Variants in MTPN observed in about 807,000 individuals in gnomAD.
MTPN encodes the protein myotrophin, also known as granule cell differentiation protein.
A neutral mutation model predicts 13.5 loss-of-function variants in MTPN; 2 were observed. That is an observed-to-expected ratio of 0.15 (90% CI 0.06 to 0.47). The LOEUF (loss-of-function observed/expected upper bound fraction) is 0.47. MTPN is among the 20% of genes least tolerant of loss of function. The pLI, the probability that MTPN is intolerant of heterozygous loss-of-function variation, is 0.97. For synonymous variants in MTPN, 46 were observed against 51.7 expected (o/e 0.89, Z 0.48); for missense variants, 79 against 137.9 (o/e 0.57, Z 2.14).
chr7:135,973,243 A>T (rs959092658), intron 1 of MTPN, among the ~76,000 whole-genome samples: 3 of 146,492 alleles, frequency 2.0e-5, no homozygotes, highest in South Asian at 2.2e-4. Context: ...TGGACTATAT[A>T]TTCTTTCTTG....
intron 3 of MTPN, among the ~76,000 whole-genome samples, chr7:135,942,005 T>C (rs376665492): frequency 1.5e-3 from 234 of 151,488 alleles, no homozygotes; most frequent in African/African-American, 5.3e-3. Context: ...TGCCTCAGCC[T>C]CCTGAGTAGC....
intron 1 of MTPN, among the ~76,000 whole-genome samples, chr7:135,955,044 G>C (rs989929958): frequency 7.2e-5 from 11 of 152,110 alleles, no homozygotes; most frequent in African/African-American, 2.4e-4. Context: ...TATTCCTTCA[G>C]ACATTTACAT....
intron 3 of MTPN, among the ~76,000 whole-genome samples, chr7:135,949,368 T>A (rs1175660101): frequency 2.6e-5 from 4 of 152,210 alleles, no homozygotes; most frequent in African/African-American, 4.8e-5. Context: ...AGACAGTGAC[T>A]GGAAATCTTT....
chr7:135,972,767 T>G (rs1799715299), intron 1 of MTPN, among the ~76,000 whole-genome samples: 1 of 152,100 alleles, frequency 6.6e-6, no homozygotes, highest in African/African-American at 2.4e-5. Flanking sequence ...CCTTAAAATA[T>G]TAATACTTTT....
At chr7:135,932,673 C>T (rs1410437402) in intron 3 of MTPN, 2 of 151,214 alleles carry the variant, frequency 1.3e-5, no homozygotes, top group Admixed American at 1.3e-4. Flanking sequence ...CAAAAGAAGC[C>T]TTAAGATAAA....
intron 1 of MTPN, among the ~76,000 whole-genome samples, 192 bp from the exon 2 acceptor site, chr7:135,951,822 A>G (rs967060340): frequency 6.6e-6 from 1 of 152,220 alleles, no homozygotes; most frequent in African/African-American, 2.4e-5. Flanking sequence ...TATGATGGAA[A>G]TTCAAGCCAC....
intron 1 of MTPN, among the ~76,000 whole-genome samples, chr7:135,972,921 G>C (rs768651955): frequency 5.9e-5 from 9 of 151,922 alleles, no homozygotes; most frequent in Admixed American, 2.0e-4. Context: ...CTTGGTCAGG[G>C]AGGATGAAAG....
In MTPN at chr7:135,927,043, A is replaced by G. The variant is rs1343577408; in HGVS notation, c.*2883T>C. On this transcript the variant is annotated 3_prime_UTR_variant, in exon 4 of 4. Transcript: ENST00000393085. ...TGCATGCAAAACACTGCAATTGCTTATTTATGTAGGAGGGCACTCTCACCA... is the reference window on the plus strand; with the variant it reads ...TGCATGCAAAACACTGCAATTGCTTGTTTATGTAGGAGGGCACTCTCACCA... 2 of 316,486 alleles carry G rather than the reference A, an allele frequency of 6.3e-6. No homozygotes were observed. Among genetic ancestry groups the G allele is most frequent in the African/African-American group, 4.3e-5 (2 of 46,762 alleles). The allele number at this position is 316,486 out of a possible 1,614,324, so 19.6% of individuals were successfully genotyped here.
chr7:135,931,654 T>A (rs1010223148), intron 3 of MTPN, among the ~76,000 whole-genome samples: 5 of 152,330 alleles, frequency 3.3e-5, no homozygotes, highest in African/African-American at 1.2e-4. Flanking sequence ...TTCTTATTCA[T>A]TTTGATGGCT....
At chr7:135,949,753 A>T (rs1799335772) in intron 3 of MTPN, among the ~76,000 whole-genome samples, 3 of 152,226 alleles carry the variant, frequency 2.0e-5, no homozygotes, top group East Asian at 1.9e-4. Flanking sequence ...TAGTTATAAT[A>T]AAAGCTACTA....
intron 1 of MTPN, 88 bp downstream of exon 1, chr7:135,976,941 A>AAACC: frequency 9.5e-6 from 2 of 209,548 alleles, no homozygotes; most frequent in Non-Finnish European, 2.0e-5. Context: ...GCCCACCCCC[A>AAACC]TCCCCGCAGT....
At chr7:135,940,243 C>T (rs996104552) in intron 3 of MTPN, among the ~76,000 whole-genome samples, 3 of 152,024 alleles carry the variant, frequency 2.0e-5, no homozygotes, top group South Asian at 2.1e-4. Context: ...GATTCAATTT[C>T]GGAAACTACT....
intron 3 of MTPN, among the ~76,000 whole-genome samples, chr7:135,934,476 T>C (rs987467638): frequency 3.3e-5 from 5 of 152,220 alleles, no homozygotes; most frequent in African/African-American, 7.2e-5. Flanking sequence ...CATTTGTGCA[T>C]ATCCCAGTAG....
chr7:135,933,172 T>C (rs1414688188), intron 3 of MTPN, among the ~76,000 whole-genome samples: 13 of 148,592 alleles, frequency 8.7e-5, no homozygotes, highest in Non-Finnish European at 1.5e-5. Context: ...TTTGGCCCTA[T>C]CCCTTCCTTG....
At chr7:135,955,258 T>A (rs1435886263) in intron 1 of MTPN, among the ~76,000 whole-genome samples, 2 of 151,856 alleles carry the variant, frequency 1.3e-5, no homozygotes, top group South Asian at 2.1e-4. Flanking sequence ...GAAAAAAAAT[T>A]AAATCCAAAA....
chr7:135,927,211 T>C lies in MTPN; in HGVS notation c.*2715A>G, dbSNP rs2116328817. 1.7e-6 allele frequency: 2 copies of C among 1,196,758 alleles called. No homozygotes were observed. Among genetic ancestry groups the C allele is most frequent in the Non-Finnish European group, 1.1e-6 (1 of 882,240 alleles). 74.1% of individuals were successfully genotyped at this position (1,196,758 alleles called of 1,614,324 possible). On this transcript the variant is annotated 3_prime_UTR_variant, in exon 4 of 4. Transcript: ENST00000393085. Reference sequence around the variant, plus strand: ...AAAAGATATCAATGAATAAAAGGCCTACTTGTTTGCAGCTTCCACACACTG... The same window carrying C: ...AAAAGATATCAATGAATAAAAGGCCCACTTGTTTGCAGCTTCCACACACTG...
chr7:135,971,934 A>C (rs1799698799), intron 1 of MTPN, among the ~76,000 whole-genome samples: 1 of 152,232 alleles, frequency 6.6e-6, no homozygotes, highest in Non-Finnish European at 1.5e-5. Flanking sequence ...AACATTCTGC[A>C]GGCTATCAGT....
At chr7:135,971,261 T>C (rs1799689515) in intron 1 of MTPN, among the ~76,000 whole-genome samples, 1 of 152,060 alleles carries the variant, frequency 6.6e-6, no homozygotes, top group South Asian at 2.1e-4. Flanking sequence ...GAAATAGAAG[T>C]ACATGTAAAC....
intron 3 of MTPN, among the ~76,000 whole-genome samples, chr7:135,946,702 T>C (rs1394430989): frequency 6.6e-6 from 1 of 152,242 alleles, no homozygotes; most frequent in Non-Finnish European, 1.5e-5. Context: ...AAAAATTTCC[T>C]GGTTAAGATT....
Sources: allele counts gnomAD v4.1 joint callset (sites outside exome capture counted in the v4.1 genomes callset), GRCh38; gene constraint gnomAD v4.1.1; transcripts MANE v1.5; gene names NCBI Gene and HGNC (gene_info 2026-07-23, HGNC 2026-07-21).